ZNF562: variants seen among roughly 807,000 people sequenced by gnomAD.
The protein encoded by ZNF562 is zinc finger protein 562.
In ZNF562, 13 loss-of-function variants were observed where a neutral mutation model predicts 17.5. The ratio of observed to expected loss-of-function variants is 0.74; its 90% confidence interval spans 0.48 to 1.18. ZNF562 has a LOEUF of 1.18. ZNF562 is among the 50% of genes most tolerant of loss of function. The pLI is 0.00. For synonymous variants in ZNF562, 163 were observed against 165.4 expected (o/e 0.99, Z 0.11); for missense variants, 481 against 498.5 (o/e 0.96, Z 0.33).
At chr19:9,669,722 G>A (rs868291058) in intron 1 of ZNF562, among the ~76,000 whole-genome samples, 1,854 of 97,364 alleles carry the variant, frequency 0.019, 27 homozygotes, top group African/African-American at 0.039. Context: ...GCGCGAGCGC[G>A]CGCGCGCGCG....
At position 9,644,119 on chromosome 19, in the gene ZNF562, T is replaced by C. The variant is rs1264332185; in HGVS notation, c.*8830A>G. 6.6e-6 allele frequency: 1 copy of C among 152,096 alleles called. No individual in the cohort carries two copies. Among genetic ancestry groups the C allele is most frequent in the Non-Finnish European group, 1.5e-5 (1 of 68,006 alleles). The allele number at this position is 152,096 out of a possible 1,614,324, so 9.4% of individuals were successfully genotyped here. On this transcript the variant is annotated 3_prime_UTR_variant, in exon 6 of 6. Coordinates refer to ENST00000453372, the MANE Select transcript of ZNF562 (RefSeq NM_001130031.2). ...TTACTTAGTGAATTTGTACCAATAT[T>C]CATTACCAATATAATTCTGTAGTTT...
At chr19:9,656,879 T>C (rs983308113) in intron 4 of ZNF562, among the ~76,000 whole-genome samples, 3 of 146,808 alleles carry the variant, frequency 2.0e-5, no homozygotes, top group Non-Finnish European at 3.0e-5. Context: ...AAAATATATA[T>C]ATATATATAT....
At chr19:9,660,623 AG>A in intron 2 of ZNF562, 96 bp downstream of exon 2, 2 of 1,226,368 alleles carry the variant, frequency 1.6e-6, no homozygotes, top group Non-Finnish European at 1.1e-6. Flanking sequence ...AAAAAAAAAA[AG>A]CAGCATGCCT....
chr19:9,653,608 C>T lies in ZNF562; in HGVS notation c.622G>A (p.Glu208Lys). 1.9e-6 allele frequency: 3 copies of T among 1,614,122 alleles called. No homozygotes were observed. The highest frequency in any genetic ancestry group is 2.5e-6 in the Non-Finnish European group (3 of 1,179,998). ...LNGRQPYKCK[E>K]CGKGFKYFAS... ...AAATACTTAAAGCCTTTTCCACATTCCTTACATTTGTAGGGTTGTCTTCCA... is the reference window on the plus strand; with the variant it reads ...AAATACTTAAAGCCTTTTCCACATTTCTTACATTTGTAGGGTTGTCTTCCA... Residue 208 changes from glutamate to lysine, a missense_variant, in exon 6 of 6, where the codon GAA (glutamate) becomes AAA (lysine). Physicochemically the swap from Glu to Lys is moderately conservative, Grantham distance 56. Transcript: ENST00000453372.
At chr19:9,657,914 C>T (rs2043575438) in intron 4 of ZNF562, 95 bp downstream of exon 4, 3 of 1,451,826 alleles carry the variant, frequency 2.1e-6, no homozygotes, top group Non-Finnish European at 2.8e-6. Context: ...TAGTATCAAA[C>T]TCCCAGGCTC....
chr19:9,668,176 G>A (rs2044021826), intron 1 of ZNF562, among the ~76,000 whole-genome samples: 1 of 152,032 alleles, frequency 6.6e-6, no homozygotes, highest in African/African-American at 2.4e-5. Flanking sequence ...AACAGTTCAA[G>A]ACCAGCCTGG....
chr19:9,653,825 A>C lies in ZNF562; in HGVS notation c.405T>G (p.Ser135Arg). ...KLCENCGEVFSEQFCLKTHMR... is the reference protein window; with the variant it reads ...KLCENCGEVFREQFCLKTHMR... ...TGTGTGTCTTAAGGCAAAACTGTTC[A>C]CTGAAGACCTCTCCACAATTCTCAC... is the stretch of plus-strand genomic sequence containing the variant. The change falls in exon 6 of 6, where the codon AGT becomes AGG. Residue 135 changes from serine to arginine, a missense_variant. By Grantham distance (110) the Ser-to-Arg change is moderately radical. Around this residue, in one of 2 missense-constraint regions of ZNF562, gnomAD observed 403 missense variants for 386.4 expected, o/e 1.04. Transcript: ENST00000453372. 3.7e-6 allele frequency: 6 copies of C among 1,610,604 alleles called. No homozygotes were observed. Among genetic ancestry groups the C allele is most frequent in the African/African-American group, 1.3e-5 (1 of 74,862 alleles).
chr19:9,657,319 G>A (rs1284158237), intron 4 of ZNF562, among the ~76,000 whole-genome samples: 23 of 148,724 alleles, frequency 1.5e-4, no homozygotes, highest in African/African-American at 3.7e-4. Flanking sequence ...GCAAGAACCC[G>A]GGAGGCAGAG....
Position 9,656,665 on chromosome 19 carries a change from G to C in ZNF562, c.242-12C>G, listed in dbSNP as rs764908175. On this transcript the variant is annotated splice_polypyrimidine_tract_variant and intron_variant, in intron 4 of 5. Transcript: ENST00000453372. ...GCAGAAAAAGAAATCTAAGGGTTTAGAGAAGAAATGTGTTAGTTTAAAATT... is the reference window on the plus strand; with the variant it reads ...GCAGAAAAAGAAATCTAAGGGTTTACAGAAGAAATGTGTTAGTTTAAAATT... 1.2e-5 allele frequency: 19 copies of C among 1,608,770 alleles called. No homozygotes were observed. The African/African-American group carries it at 2.3e-4, about 19-fold the overall frequency.
At position 9,643,886 on chromosome 19, in the gene ZNF562, A is replaced by G. The variant is rs530562909; in HGVS notation, c.*9063T>C. On this transcript the variant is annotated 3_prime_UTR_variant, in exon 6 of 6. Transcript: ENST00000453372. ...TCCCAGGCTGGAGTGCAGTGGTGTG[A>G]TCTCGGTTCACTGTAACCTCCTGCC... 3.3e-5 allele frequency: 5 copies of G among 151,508 alleles called. No individual in the cohort carries two copies. Among genetic ancestry groups the G allele is most frequent in the African/African-American group, 1.2e-4 (5 of 41,300 alleles). The allele number at this position is 151,508 out of a possible 1,614,324, so 9.4% of individuals were successfully genotyped here. A position where few individuals can be genotyped will look rare whatever the true frequency, so the allele number is the denominator to read the frequency against.
chr19:9,673,458 C>T lies in ZNF562; in HGVS notation c.-131+1557G>A, dbSNP rs1225411677. 7.9e-5 allele frequency among the ~76,000 whole-genome samples: 12 copies of T among 152,062 alleles called. No homozygotes were observed. In the East Asian group the frequency reaches 1.4e-3, roughly 17 times the overall value. On this transcript the variant is annotated intron_variant, in intron 1 of 5. Coordinates refer to ENST00000453372, the MANE Select transcript of ZNF562 (RefSeq NM_001130031.2). ...GATTACAGGGGCCCACCACCAAGCC[C>T]GGCTAATTTTTGTATTTTTAGTAGA... is the stretch of plus-strand genomic sequence containing the variant.
Position 9,665,985 on chromosome 19 carries a change from G to A in ZNF562, c.-130-5111C>T, listed in dbSNP as rs7257882. Reference sequence around the variant, plus strand: ...AATCACACCACTGCACTCCAGGCTAGGTGACAGAGAGAGACCTAGTCTTTA... The same window carrying A: ...AATCACACCACTGCACTCCAGGCTAAGTGACAGAGAGAGACCTAGTCTTTA... On this transcript the variant is annotated intron_variant, in intron 1 of 5. Coordinates refer to ENST00000453372, the MANE Select transcript of ZNF562 (RefSeq NM_001130031.2). 9.5e-3 allele frequency among the ~76,000 whole-genome samples: 1,431 copies of A among 150,984 alleles called. 26 individuals carry two copies. The highest frequency in any genetic ancestry group is 0.034 in the African/African-American group (1,376 of 41,038).
chr19:9,662,389 C>G (rs564989882), intron 1 of ZNF562, among the ~76,000 whole-genome samples: 10 of 151,474 alleles, frequency 6.6e-5, no homozygotes, highest in Admixed American at 5.9e-4. Context: ...GCCTGGCCAT[C>G]ATGGCAAAAC....
intron 1 of ZNF562, among the ~76,000 whole-genome samples, chr19:9,667,174 C>A (rs926407125): frequency 2.0e-5 from 3 of 152,140 alleles, no homozygotes; most frequent in Admixed American, 2.0e-4. Context: ...TCATCACAAT[C>A]AAGTGAAATT....
At chr19:9,669,728 G>GCACA (rs1456853171) in intron 1 of ZNF562, among the ~76,000 whole-genome samples, 12 of 84,828 alleles carry the variant, frequency 1.4e-4, no homozygotes, top group African/African-American at 5.0e-4. Flanking sequence ...GCGCGCGCGC[G>GCACA]CGCGCGCACA....
chr19:9,660,640 G>A, intron 2 of ZNF562, 80 bp downstream of exon 2: 1 of 1,442,004 alleles, frequency 6.9e-7, no homozygotes, highest in Non-Finnish European at 9.5e-7. Flanking sequence ...TGCCTGTTCA[G>A]GCCCAGCTCA....
intron 2 of ZNF562, among the ~76,000 whole-genome samples, chr19:9,660,348 C>G (rs2043689808): frequency 6.6e-6 from 1 of 151,836 alleles, no homozygotes; most frequent in Non-Finnish European, 1.5e-5. Context: ...TAGCAGCAGC[C>G]AGGCACGGTG....
chr19:9,674,520 A>T (rs1238613326), intron 1 of ZNF562: 1 of 152,082 alleles, frequency 6.6e-6, no homozygotes, highest in Non-Finnish European at 1.5e-5. Flanking sequence ...AAATCAAAAA[A>T]AAAAAAAAAG....
At position 9,649,503 on chromosome 19, in the gene ZNF562, TGAGA is replaced by T. The variant is rs1173557714; in HGVS notation, c.*3442_*3445del. 2 of 152,152 alleles carry T rather than the reference TGAGA, an allele frequency of 1.3e-5. No individual in the cohort carries two copies. Among genetic ancestry groups the T allele is most frequent in the Non-Finnish European group, 2.9e-5 (2 of 68,026 alleles). The allele number at this position is 152,152 out of a possible 1,614,324, so 9.4% of individuals were successfully genotyped here. A position where few individuals can be genotyped will look rare whatever the true frequency, so the allele number is the denominator to read the frequency against. ...TCTTTTTCTCAGCAAGGAACATCCT[TGAGA>T]AAGAGAATGCACACCTGGGAGTGGG... is the stretch of plus-strand genomic sequence containing the variant. On this transcript the variant is annotated 3_prime_UTR_variant, in exon 6 of 6. Transcript: ENST00000453372.
Sources: allele counts gnomAD v4.1 joint callset (sites outside exome capture counted in the v4.1 genomes callset), GRCh38; gene constraint gnomAD v4.1.1; regional missense constraint gnomAD v4.1.1; transcripts MANE v1.5; gene names NCBI Gene and HGNC (gene_info 2026-07-23, HGNC 2026-07-21).